Variants in CAPS2 observed in about 807,000 individuals in gnomAD.
CAPS2 encodes calcyphosin-2.
A neutral mutation model predicts 86.5 loss-of-function variants in CAPS2; 98 were observed. The observed-to-expected ratio is 1.13, with a 90% CI of 0.96 to 1.34. The LOEUF is 1.34. Among genes scored for constraint, CAPS2 ranks in the 40% most tolerant of loss-of-function variants. The pLI is 0.00. For synonymous variants in CAPS2, 210 were observed against 225.1 expected (o/e 0.93, Z 0.60); for missense variants, 729 against 686.8 (o/e 1.06, Z -0.69).
upstream of CAPS2, chr12:75,334,671 C>A (rs1379423292): frequency 6.4e-7 from 1 of 1,571,364 alleles, no homozygotes; most frequent in African/African-American, 1.3e-5. Flanking sequence ...AATCGGGTTG[C>A]CCCAGCCGTT....
intron 1 of CAPS2, among the ~76,000 whole-genome samples, chr12:75,350,008 G>C (rs1048037752): frequency 6.6e-6 from 1 of 152,214 alleles, no homozygotes; most frequent in Non-Finnish European, 1.5e-5. Context: ...AGGGAGGGGT[G>C]CCCACCACCA....
At chr12:75,364,017 T>C (rs953567512) in intron 1 of CAPS2, among the ~76,000 whole-genome samples, 23 of 152,190 alleles carry the variant, frequency 1.5e-4, no homozygotes, top group Non-Finnish European at 2.8e-4. Flanking sequence ...TAGAAAGGAA[T>C]ACCTCGGTTA....
intron 11 of CAPS2, among the ~76,000 whole-genome samples, chr12:75,297,938 A>ACCCCTCCTATCTGGCCCACATTG (rs1351758456): frequency 6.6e-6 from 1 of 152,016 alleles, no homozygotes; most frequent in Non-Finnish European, 1.5e-5. Flanking sequence ...CTAGGCCATC[A>ACCCCTCCTATCTGGCCCACATTG]CCCCTCCTAT....
chr12:75,313,589 A>T (rs1395315265), intron 6 of CAPS2, among the ~76,000 whole-genome samples: 2 of 152,188 alleles, frequency 1.3e-5, no homozygotes, highest in Non-Finnish European at 2.9e-5. Context: ...ACTGGTAATC[A>T]TTTAATTCAA....
chr12:75,292,698 G>C (rs1057124120), intron 12 of CAPS2, among the ~76,000 whole-genome samples: 2 of 144,516 alleles, frequency 1.4e-5, no homozygotes, highest in African/African-American at 5.1e-5. Flanking sequence ...TATATAATAT[G>C]TATATATTAT....
chr12:75,304,858 T>G (rs2038254604), exon 8 of CAPS2: 1 of 1,611,928 alleles, frequency 6.2e-7, no homozygotes, highest in South Asian at 1.1e-5. Flanking sequence ...AATTTTGCTC[T>G]GGATCACTGA....
upstream of CAPS2, among the ~76,000 whole-genome samples, chr12:75,330,408 C>G (rs924260184): frequency 1.7e-4 from 26 of 152,224 alleles, no homozygotes; most frequent in African/African-American, 6.0e-4. Context: ...GGGCCAAAGC[C>G]CGGCCCGGAT....
chr12:75,313,763 T>C (rs2039468913), intron 6 of CAPS2, among the ~76,000 whole-genome samples: 1 of 152,186 alleles, frequency 6.6e-6, no homozygotes, highest in Non-Finnish European at 1.5e-5. Flanking sequence ...GATAGAGGCT[T>C]TGTAACCTTA....
At chr12:75,313,207 A>C (rs1342636573) in intron 6 of CAPS2, among the ~76,000 whole-genome samples, 1 of 152,202 alleles carries the variant, frequency 6.6e-6, no homozygotes, top group Non-Finnish European at 1.5e-5. Context: ...AGACTAAAGG[A>C]GAAAGAGACT....
chr12:75,381,717 C>T (rs1228271598), intron 1 of CAPS2, among the ~76,000 whole-genome samples: 4 of 149,988 alleles, frequency 2.7e-5, no homozygotes, highest in South Asian at 2.1e-4. Flanking sequence ...CAGGTTCAAG[C>T]GATTCTCCTG....
chr12:75,326,368 ATTAT>A (rs2040784605), intron 1 of CAPS2, 46 bp downstream of exon 2: 1 of 686,458 alleles, frequency 1.5e-6, no homozygotes, highest in Non-Finnish European at 2.5e-6. Flanking sequence ...AGGTAAAAAA[ATTAT>A]TTATAAGTCA....
At chr12:75,310,441 T>C (rs2039023411) in intron 7 of CAPS2, among the ~76,000 whole-genome samples, 1 of 151,964 alleles carries the variant, frequency 6.6e-6, no homozygotes, top group East Asian at 1.9e-4. Context: ...GGAAAATAAA[T>C]GCAAAGTACC....
chr12:75,321,284 T>C (rs1481369051), intron 5 of CAPS2, 116 bp downstream of exon 5: 3 of 636,212 alleles, frequency 4.7e-6, no homozygotes, highest in Non-Finnish European at 7.9e-6. Context: ...GAAATAAATG[T>C]TAGCTATTAT....
intron 16 of CAPS2, among the ~76,000 whole-genome samples, chr12:75,280,395 T>C (rs1023953052): frequency 1.3e-5 from 2 of 151,866 alleles, no homozygotes; most frequent in African/African-American, 4.8e-5. Context: ...TTAGCTTGCC[T>C]GTTGTCATTT....
intron 11 of CAPS2, 42 bp from the exon 12 acceptor site, chr12:75,293,409 G>T (rs1376432031): frequency 3.4e-6 from 4 of 1,163,646 alleles, no homozygotes; most frequent in Non-Finnish European, 5.1e-6. Context: ...AAGCATGTAA[G>T]AAATAAAATA....
intron 8 of CAPS2, among the ~76,000 whole-genome samples, chr12:75,300,342 G>A (rs1224720001): frequency 6.6e-6 from 1 of 151,824 alleles, no homozygotes; most frequent in African/African-American, 2.4e-5. Flanking sequence ...GGATCACGAG[G>A]TCAGGAGATC....
At position 75,298,786 on chromosome 12, in the gene CAPS2, A is replaced by C. The variant is rs1225193816; in HGVS notation, c.951-6T>G. ...TAAAAGGAAGCACATTTGTTCTAGA[A>C]AGTAAATGAAAAAAAAATGGAAAGT... On this transcript the variant is annotated splice_polypyrimidine_tract_variant and splice_region_variant and intron_variant, in intron 10 of 16. Transcript: ENST00000393284. 1.2e-6 allele frequency: 2 copies of C among 1,610,906 alleles called. No individual in the cohort carries two copies. Among genetic ancestry groups the C allele is most frequent in the Non-Finnish European group, 8.5e-7 (1 of 1,177,252 alleles).
intron 1 of CAPS2, among the ~76,000 whole-genome samples, chr12:75,377,858 TATGC>T (rs145250351): frequency 4.0e-5 from 1 of 25,144 alleles, no homozygotes; most frequent in Non-Finnish European, 1.0e-4. Flanking sequence ...TATATATATA[TATGC>T]GTGTGTGTGT....
At chr12:75,334,895 A>T (rs894590982), upstream of CAPS2, 70 of 1,613,656 alleles carry the variant, frequency 4.3e-5, no homozygotes, top group Non-Finnish European at 5.8e-5. Context: ...GCCGACATGA[A>T]ATACATGGTG....
Sources: allele counts gnomAD v4.1 joint callset (sites outside exome capture counted in the v4.1 genomes callset), GRCh38; gene constraint gnomAD v4.1.1; transcripts MANE v1.5; gene names NCBI Gene and HGNC (gene_info 2026-07-23, HGNC 2026-07-21).